The following ONECUT2 variants were observed in gnomAD, a reference collection of about 807,000 sequenced individuals.
The protein encoded by ONECUT2 is one cut homeobox 2, also known as one cut domain family member 2.
ONECUT2 carries 10 observed loss-of-function variants against 27.9 expected under a neutral mutation model. The ratio of observed to expected loss-of-function variants is 0.36; its 90% CI spans 0.22 to 0.61. ONECUT2 has a LOEUF of 0.61. ONECUT2 is among the 20% of genes least tolerant of loss of function. ONECUT2 has a pLI of 0.73. For synonymous variants in ONECUT2, 334 were observed against 315.1 expected, an observed-to-expected ratio of 1.06 and a Z score of -0.64; for missense variants, 686 against 721.0, an observed-to-expected ratio of 0.95 and a Z score of 0.56.
intron 1 of ONECUT2, among the ~76,000 whole-genome samples, chr18:57,461,863 T>G (rs900876805): frequency 6.6e-6 from 1 of 152,242 alleles, no homozygotes; most frequent in Non-Finnish European, 1.5e-5. Flanking sequence ...CAGTTAGAAG[T>G]TGGGCTGTCG....
chr18:57,464,846 A>G (rs1017478755), intron 1 of ONECUT2, among the ~76,000 whole-genome samples: 1 of 152,218 alleles, frequency 6.6e-6, no homozygotes, highest in African/African-American at 2.4e-5. Flanking sequence ...TTTTAAGACA[A>G]TATCACATTC....
chr18:57,469,976 G>A (rs11877346), intron 1 of ONECUT2, among the ~76,000 whole-genome samples: 7,664 of 152,240 alleles, frequency 0.05, 673 homozygotes, highest in East Asian at 0.36. Context: ...TCACCCCTGG[G>A]CAGGAAGGCA....
chr18:57,436,239 C>T lies in ONECUT2; in HGVS notation c.523C>T (p.His175Tyr). The T allele has an allele frequency of 6.2e-7, 1 of 1,603,318 alleles. No homozygotes were observed. Among genetic ancestry groups the T allele is most frequent in the Non-Finnish European group, 8.5e-7 (1 of 1,177,440 alleles). Residue 175 changes from histidine (H) to tyrosine (Y), a missense_variant, in exon 1 of 2, where the codon CAT becomes TAT. Coordinates refer to ENST00000491143, the MANE Select transcript of ONECUT2 (RefSeq NM_004852.3). The surrounding 1 kb of genome is among the most constrained non-coding windows in gnomAD (Gnocchi z 5.9). ...DKFHHPHPHH[H>Y]PHHHHHHHHQ... ...GTTCCACCACCCTCACCCGCACCAC[C>T]ATCCGCACCACCACCACCACCACCA...
At position 57,481,677 on chromosome 18, in the gene ONECUT2, T is replaced by C. The variant is rs2122161415; in HGVS notation, c.*4954T>C. 1 of 152,336 alleles carries C rather than the reference T, an allele frequency of 6.6e-6. No homozygotes were observed. Among genetic ancestry groups the C allele is most frequent in the South Asian group, 2.1e-4 (1 of 4,820 alleles). 9.4% of individuals were successfully genotyped at this position (152,336 alleles called of 1,614,324 possible). A position where few individuals can be genotyped will look rare whatever the true frequency, so the allele number is the denominator to read the frequency against. ...TATCATTACCAAAGTGTCATGACAGTATGCCTTTGTAGTGAACTCGGATTT... is the reference window on the plus strand; with the variant it reads ...TATCATTACCAAAGTGTCATGACAGCATGCCTTTGTAGTGAACTCGGATTT... On this transcript the variant is annotated 3_prime_UTR_variant, in exon 2 of 2. Coordinates refer to ENST00000491143, the MANE Select transcript of ONECUT2 (RefSeq NM_004852.3).
intron 1 of ONECUT2, among the ~76,000 whole-genome samples, chr18:57,464,574 AAGAC>A (rs1448485817): frequency 6.6e-6 from 1 of 152,202 alleles, no homozygotes; most frequent in African/African-American, 2.4e-5. Context: ...TAAACTATGC[AAGAC>A]AGAGATACTT....
intron 1 of ONECUT2, among the ~76,000 whole-genome samples, chr18:57,472,122 T>A (rs2050357398): frequency 6.6e-6 from 1 of 152,238 alleles, no homozygotes; most frequent in Non-Finnish European, 1.5e-5. Context: ...CAAGACTGAA[T>A]CCATCAATGC....
chr18:57,442,407 C>T (rs2050180526), intron 1 of ONECUT2, among the ~76,000 whole-genome samples: 1 of 152,088 alleles, frequency 6.6e-6, no homozygotes, highest in Non-Finnish European at 1.5e-5. Context: ...GCAAATCGTG[C>T]ATTGTTCTGC....
intron 1 of ONECUT2, among the ~76,000 whole-genome samples, chr18:57,449,959 A>C (rs746776838): frequency 2.0e-5 from 3 of 151,898 alleles, no homozygotes; most frequent in Non-Finnish European, 4.4e-5. Context: ...TTTCTTCCCC[A>C]TGGCTCTGGA....
chr18:57,445,436 G>A (rs150342523), intron 1 of ONECUT2, among the ~76,000 whole-genome samples: 37 of 152,152 alleles, frequency 2.4e-4, no homozygotes, highest in Middle Eastern at 3.4e-3. Flanking sequence ...CAGAACCATC[G>A]GCACAATCCA....
rs72932480 is a variant in ONECUT2, at chr18:57,469,022, C to T, written c.1229-7415C>T. Among the ~76,000 whole-genome samples, 755 of 152,298 alleles carry T rather than the reference C, an allele frequency of 5.0e-3. 6 individuals carry two copies. Among genetic ancestry groups the T allele is most frequent in the Non-Finnish European group, 6.7e-3 (455 of 68,028 alleles). On this transcript the variant is annotated intron_variant, in intron 1 of 1. Transcript: ENST00000491143. ...AGGGGGGTTATTTCCATTCTTCTTA[C>T]CTCAAACACCTGTAGGTTTCTCAGG...
In ONECUT2 at chr18:57,465,135, C is replaced by A. The variant is rs759337409; in HGVS notation, c.1229-11302C>A. 5.3e-5 allele frequency among the ~76,000 whole-genome samples: 8 copies of A among 152,010 alleles called. No homozygotes were observed. The South Asian group carries it at 1.5e-3, about 28-fold the overall frequency. ...TCATTTTCCTGCAAATTTTAAAAAT[C>A]TTACTCCTCTTTTTTTGCGGGGGGC... On this transcript the variant is annotated intron_variant, in intron 1 of 1. Transcript: ENST00000491143.
intron 1 of ONECUT2, among the ~76,000 whole-genome samples, chr18:57,458,067 C>A (rs758972726): frequency 2.0e-5 from 3 of 152,084 alleles, no homozygotes; most frequent in Non-Finnish European, 4.4e-5. Context: ...CACATGTATA[C>A]GTATGCAACA....
intron 1 of ONECUT2, among the ~76,000 whole-genome samples, chr18:57,474,323 A>G (rs959299765): frequency 6.6e-6 from 1 of 152,198 alleles, no homozygotes; most frequent in Non-Finnish European, 1.5e-5. Context: ...GCTTCCAAGT[A>G]TCTTTCCCGT....
intron 1 of ONECUT2, among the ~76,000 whole-genome samples, chr18:57,472,499 A>G (rs2050359335): frequency 6.6e-6 from 1 of 152,156 alleles, no homozygotes; most frequent in Non-Finnish European, 1.5e-5. Context: ...TGGGCAACAT[A>G]TGGACATACT....
chr18:57,486,763 A>G lies in ONECUT2; in HGVS notation c.*10040A>G, dbSNP rs978327300. On this transcript the variant is annotated 3_prime_UTR_variant, in exon 2 of 2. Coordinates refer to ENST00000491143, the MANE Select transcript of ONECUT2 (RefSeq NM_004852.3). ...AAGTTGCAGAATGAGCCCAAAGTTT[A>G]CAGTTTCATATTTTGCTGAAGAAAC... 16 of 152,616 alleles carry G rather than the reference A, an allele frequency of 1.0e-4. No homozygotes were observed. Among genetic ancestry groups the G allele is most frequent in the African/African-American group, 3.9e-4 (16 of 41,442 alleles). The allele number at this position is 152,616 out of a possible 1,614,324, so 9.5% of individuals were successfully genotyped here. A position where few individuals can be genotyped will look rare whatever the true frequency, so the allele number is the denominator to read the frequency against.
intron 1 of ONECUT2, among the ~76,000 whole-genome samples, chr18:57,455,788 T>C (rs1306918836): frequency 1.3e-5 from 2 of 151,416 alleles, no homozygotes; most frequent in Non-Finnish European, 2.9e-5. Context: ...GGGAGGGACG[T>C]CTTAGGGAAA....
intron 1 of ONECUT2, among the ~76,000 whole-genome samples, chr18:57,453,270 C>T (rs1427890367): frequency 6.6e-6 from 1 of 152,136 alleles, no homozygotes; most frequent in Non-Finnish European, 1.5e-5. Flanking sequence ...CATTGATTTC[C>T]AAGACCCAAT....
chr18:57,467,349 T>C, intron 1 of ONECUT2: 2 of 279,186 alleles, frequency 7.2e-6, no homozygotes, highest in Middle Eastern at 8.1e-4. Flanking sequence ...CCTTTGGTTT[T>C]TTTTTTGTTT....
chr18:57,459,469 A>G (rs191093291), intron 1 of ONECUT2, among the ~76,000 whole-genome samples: 26 of 152,362 alleles, frequency 1.7e-4, no homozygotes, highest in Non-Finnish European at 2.5e-4. Context: ...GGGATAGACT[A>G]TAATATATTG....
Sources: allele counts gnomAD v4.1 joint callset (sites outside exome capture counted in the v4.1 genomes callset), GRCh38; gene constraint gnomAD v4.1.1; non-coding constraint Gnocchi (gnomAD v3.1); transcripts MANE v1.5; gene names NCBI Gene and HGNC (gene_info 2026-07-23, HGNC 2026-07-21).